GALNT2: variants seen among roughly 807,000 people sequenced by gnomAD.
The protein encoded by GALNT2 is UDP-GalNAc:polypeptide N-acetylgalactosaminyltransferase 2.
In GALNT2, 31 loss-of-function variants were observed where a neutral mutation model predicts 81.4. The observed-to-expected ratio is 0.38, with a 90% CI of 0.29 to 0.51. The LOEUF is 0.51. Ranked by LOEUF, GALNT2 falls within the 20% of genes least tolerant of loss-of-function variation. The pLI, the probability that GALNT2 is intolerant of heterozygous loss-of-function variation, is 0.87. For synonymous variants in GALNT2, 303 were observed against 287.4 expected (o/e 1.05, Z -0.55); for missense variants, 629 against 765.7 (o/e 0.82, Z 2.11).
At chr1:230,120,858 C>G (rs564429941) in intron 1 of GALNT2, among the ~76,000 whole-genome samples, 2 of 152,200 alleles carry the variant, frequency 1.3e-5, no homozygotes, top group Non-Finnish European at 2.9e-5. Flanking sequence ...GCACTGCTTC[C>G]ACCCCTTGGA....
intron 14 of GALNT2, among the ~76,000 whole-genome samples, chr1:230,267,663 AGGAGTCACCTGGAG>A (rs1666070933): frequency 6.6e-6 from 1 of 152,240 alleles, no homozygotes. Context: ...CACCCGTGTC[AGGAGTCACCTGGAG>A]GGAGGAACCC....
At chr1:230,098,303 A>T (rs1052535544) in intron 1 of GALNT2, among the ~76,000 whole-genome samples, 1 of 151,950 alleles carries the variant, frequency 6.6e-6, no homozygotes, top group East Asian at 1.9e-4. Context: ...CTCTGTTTGT[A>T]TGTAGTGTGA....
rs75736275 is a variant in GALNT2, at chr1:230,267,442, C to T, written c.1440+2075C>T. On this transcript the variant is annotated intron_variant, in intron 14 of 15. Coordinates refer to ENST00000366672, the MANE Select transcript of GALNT2 (RefSeq NM_004481.5). Reference sequence around the variant, plus strand: ...ACCTCCATGTTTAATCACTGGGCTTCCCTCTGCTGTGTGGCAGGACTGCAT... The same window carrying T: ...ACCTCCATGTTTAATCACTGGGCTTTCCTCTGCTGTGTGGCAGGACTGCAT... Among the ~76,000 whole-genome samples, 362 of 152,316 alleles carry T rather than the reference C, an allele frequency of 2.4e-3. 2 individuals are homozygous for T. Among genetic ancestry groups the T allele is most frequent in the African/African-American group, 8.3e-3 (347 of 41,572 alleles).
Position 230,092,180 on chromosome 1 carries a change from T to TTTTTTGTTTTTTTTTG in GALNT2, c.126+24779_126+24780insGTTTTTTTTTGTTTTT, listed in dbSNP as rs1463456206. ...AGTTCACCTTATATTCCTTTAGTTT[T>TTTTTTGTTTTTTTTTG]TTTTTTTTTTTTTTTTGCACTGATC... is the stretch of plus-strand genomic sequence containing the variant. On this transcript the variant is annotated intron_variant, in intron 1 of 15. Transcript: ENST00000366672. The TTTTTTGTTTTTTTTTG allele has an allele frequency of 6.7e-4, 73 of 109,158 alleles. 1 individual carries two copies. Among genetic ancestry groups the TTTTTTGTTTTTTTTTG allele is most frequent in the African/African-American group, 1.6e-3 (42 of 25,608 alleles). The allele number at this position is 109,158 out of a possible 1,614,324, so 6.8% of individuals were successfully genotyped here. A position where few individuals can be genotyped will look rare whatever the true frequency, so the allele number is the denominator to read the frequency against.
intron 1 of GALNT2, among the ~76,000 whole-genome samples, chr1:230,143,617 T>C (rs1469333788): frequency 6.6e-6 from 1 of 152,236 alleles, no homozygotes; most frequent in Non-Finnish European, 1.5e-5. Flanking sequence ...CCTTGGTTTT[T>C]TCTTGGCTTT....
At chr1:230,209,596 CTT>C (rs765402653) in intron 3 of GALNT2, among the ~76,000 whole-genome samples, 5 of 152,344 alleles carry the variant, frequency 3.3e-5, no homozygotes, top group Non-Finnish European at 7.3e-5. Flanking sequence ...AATCCCAGCA[CTT>C]TGGGAGGCCA....
At chr1:230,255,125 G>A (rs540119838) in intron 10 of GALNT2, 93 bp from the exon 11 acceptor site, 5 of 1,575,210 alleles carry the variant, frequency 3.2e-6, no homozygotes, top group Non-Finnish European at 4.4e-6. Context: ...TGATGGGATG[G>A]TCAGGGGGCC....
intron 2 of GALNT2, 133 bp downstream of exon 2, chr1:230,178,444 C>T: frequency 3.2e-6 from 2 of 619,456 alleles, no homozygotes; most frequent in Non-Finnish European, 5.4e-6. Context: ...CGCCCTAAAG[C>T]ACTGCTTTGC....
At chr1:230,267,007 C>G (rs975059396) in intron 14 of GALNT2, among the ~76,000 whole-genome samples, 1 of 152,146 alleles carries the variant, frequency 6.6e-6, no homozygotes, top group Non-Finnish European at 1.5e-5. Context: ...CACACACACA[C>G]ACACACACAC....
intron 7 of GALNT2, among the ~76,000 whole-genome samples, chr1:230,244,352 G>A (rs538570875): frequency 3.9e-5 from 6 of 152,116 alleles, no homozygotes; most frequent in South Asian, 2.1e-4. Context: ...AATAATGCAC[G>A]CAAAATCATA....
At chr1:230,121,948 CTT>C (rs11430880) in intron 1 of GALNT2, among the ~76,000 whole-genome samples, 5,013 of 104,062 alleles carry the variant, frequency 0.048, 247 homozygotes, top group East Asian at 0.32. Context: ...TACTGTTATG[CTT>C]TTTTTTTTTT....
At chr1:230,085,758 T>G (rs1384135465) in intron 1 of GALNT2, among the ~76,000 whole-genome samples, 1 of 152,272 alleles carries the variant, frequency 6.6e-6, no homozygotes, top group Non-Finnish European at 1.5e-5. Context: ...CATTGCATTT[T>G]GGATCTTCTG....
chr1:230,201,223 T>C (rs1663882993), intron 2 of GALNT2, among the ~76,000 whole-genome samples: 1 of 152,116 alleles, frequency 6.6e-6, no homozygotes, highest in South Asian at 2.1e-4. Flanking sequence ...CTTGGCCGGC[T>C]CCCACAGGCA....
At position 230,158,846 on chromosome 1, in the gene GALNT2, A is replaced by G. The variant is rs145610340; in HGVS notation, c.127-19372A>G. Reference sequence around the variant, plus strand: ...GTGAGTTGGATGAATGCCATCTGAAAGGCTTTGTTCGTTTGCACACGAGGT... The same window carrying G: ...GTGAGTTGGATGAATGCCATCTGAAGGGCTTTGTTCGTTTGCACACGAGGT... On this transcript the variant is annotated intron_variant, in intron 1 of 15. Coordinates refer to ENST00000366672, the MANE Select transcript of GALNT2 (RefSeq NM_004481.5). Among the ~76,000 whole-genome samples the G allele has an allele frequency of 3.4e-3, 511 of 152,358 alleles. 6 individuals are homozygous for G. Among genetic ancestry groups the G allele is most frequent in the African/African-American group, 0.012 (486 of 41,586 alleles).
At chr1:230,128,204 G>T (rs1661253070) in intron 1 of GALNT2, among the ~76,000 whole-genome samples, 2 of 151,924 alleles carry the variant, frequency 1.3e-5, no homozygotes, top group Non-Finnish European at 2.9e-5. Flanking sequence ...TAGCCTCTCT[G>T]TCACATCGCA....
chr1:230,249,207 A>C lies in GALNT2; in HGVS notation c.841A>C (p.Lys281Gln). The C allele has an allele frequency of 6.2e-7, 1 of 1,614,154 alleles. No individual in the cohort carries two copies. The highest frequency in any genetic ancestry group is 8.5e-7 in the Non-Finnish European group (1 of 1,180,028). ...KGGFDWNLVF[K>Q]WDYMTPEQRR... ...AGGTTTTGATTGGAACTTGGTATTCAAGTGGGATTACATGACGCCTGAGCA... is the reference window on the plus strand; with the variant it reads ...AGGTTTTGATTGGAACTTGGTATTCCAGTGGGATTACATGACGCCTGAGCA... Residue 281 changes from lysine (K) to glutamine (Q), a missense_variant, in exon 9 of 16, where the codon AAG becomes CAG. Coordinates refer to ENST00000366672, the MANE Select transcript of GALNT2 (RefSeq NM_004481.5).
At chr1:230,167,113 T>C (rs1572040703) in intron 1 of GALNT2, among the ~76,000 whole-genome samples, 2 of 151,526 alleles carry the variant, frequency 1.3e-5, no homozygotes, top group East Asian at 3.9e-4. Context: ...TTCTTGGAGA[T>C]GCTCTTCAAA....
intron 1 of GALNT2, among the ~76,000 whole-genome samples, chr1:230,060,793 T>C (rs1168185296): frequency 6.6e-6 from 1 of 152,242 alleles, no homozygotes; most frequent in Non-Finnish European, 1.5e-5. Flanking sequence ...TATCATTGTG[T>C]ATGCCTAGAT....
chr1:230,226,679 TCTCTCCCAAAG>T (rs1664723655), intron 3 of GALNT2, among the ~76,000 whole-genome samples: 2 of 152,194 alleles, frequency 1.3e-5, no homozygotes, highest in South Asian at 2.1e-4. Flanking sequence ...GCCTCGCCAC[TCTCTCCCAAAG>T]TTAGGGGAGC....
Sources: gnomAD v4.1 joint callset for allele counts (sites outside exome capture counted in the v4.1 genomes callset) on GRCh38, gnomAD v4.1.1 for gene constraint, MANE v1.5 for transcripts, NCBI Gene and HGNC (gene_info 2026-07-23, HGNC 2026-07-21) for gene names.